SDK1: variants seen among roughly 807,000 people sequenced by gnomAD.
SDK1 encodes protein sidekick-1.
A neutral mutation model predicts 245.5 loss-of-function variants in SDK1; 157 were observed. The observed-to-expected ratio is 0.64, with a 90% CI of 0.56 to 0.73. The LOEUF is 0.73. Ranked by LOEUF, SDK1 falls within the 30% of genes least tolerant of loss-of-function variation. The pLI is 0.00. For synonymous variants in SDK1, 1,647 were observed against 1,278.5 expected (o/e 1.29, Z -6.15); for missense variants, 3,583 against 3,002.3 (o/e 1.19, Z -4.52).
chr7:3,972,976 T>C (rs1282394071), intron 12 of SDK1, among the ~76,000 whole-genome samples: 3 of 152,114 alleles, frequency 2.0e-5, no homozygotes, highest in Admixed American at 6.5e-5. Context: ...CCTTCCTAAA[T>C]GATTTGGAGT....
At chr7:4,153,129 C>CG (rs1447657605) in intron 30 of SDK1, among the ~76,000 whole-genome samples, 6 of 151,926 alleles carry the variant, frequency 3.9e-5, no homozygotes, top group African/African-American at 9.7e-5. Flanking sequence ...GGGATAGGTG[C>CG]GGGGGTTCCA....
At chr7:3,462,190 C>A (rs1380276323) in intron 1 of SDK1, among the ~76,000 whole-genome samples, 1 of 152,090 alleles carries the variant, frequency 6.6e-6, no homozygotes, top group Non-Finnish European at 1.5e-5. Context: ...AAAGGATGCT[C>A]TTCAGTTCAC....
chr7:4,073,400 G>A (rs1462596847), intron 20 of SDK1, among the ~76,000 whole-genome samples: 1 of 152,132 alleles, frequency 6.6e-6, no homozygotes, highest in Non-Finnish European at 1.5e-5. Flanking sequence ...GTTTTTGTTT[G>A]TATCCACAAC....
chr7:4,148,910 G>T (rs1214503309), intron 29 of SDK1, among the ~76,000 whole-genome samples: 1 of 152,150 alleles, frequency 6.6e-6, no homozygotes, highest in African/African-American at 2.4e-5. Context: ...ACAAAAATTA[G>T]CTGGGCGTGG....
Position 4,267,093 on chromosome 7 carries a change from C to A in SDK1, c.*1709C>A. On this transcript the variant is annotated 3_prime_UTR_variant, in exon 45 of 45. Transcript: ENST00000404826. ...GTTGCTGAGTATGGCCCCAGGAGAC[C>A]AAGGAGAGTTTTGTATAGGCTGGAA... 2.0e-6 allele frequency: 2 copies of A among 985,426 alleles called. No homozygotes were observed. The highest frequency in any genetic ancestry group is 2.4e-6 in the Non-Finnish European group (2 of 829,946). The allele number at this position is 985,426 out of a possible 1,614,324, so 61.0% of individuals were successfully genotyped here. A position where few individuals can be genotyped will look rare whatever the true frequency, so the allele number is the denominator to read the frequency against.
chr7:3,449,512 A>G (rs970926114), intron 1 of SDK1, among the ~76,000 whole-genome samples: 4 of 152,214 alleles, frequency 2.6e-5, no homozygotes, highest in African/African-American at 7.2e-5. Flanking sequence ...AGATTTGACT[A>G]TATGTTGAAT....
intron 5 of SDK1, among the ~76,000 whole-genome samples, chr7:3,934,370 A>G (rs943873288): frequency 2.0e-5 from 3 of 152,152 alleles, no homozygotes; most frequent in Non-Finnish European, 4.4e-5. Context: ...TGGTTTATCT[A>G]TTAAAGACAC....
At chr7:3,930,764 G>A (rs868015635) in intron 5 of SDK1, among the ~76,000 whole-genome samples, 4 of 152,230 alleles carry the variant, frequency 2.6e-5, no homozygotes, top group Non-Finnish European at 5.9e-5. Context: ...CTTCACTCCA[G>A]CCTGGGTGAC....
At chr7:3,844,646 A>G (rs1780233478) in intron 5 of SDK1, among the ~76,000 whole-genome samples, 2 of 152,214 alleles carry the variant, frequency 1.3e-5, no homozygotes, top group African/African-American at 4.8e-5. Flanking sequence ...TTCAACAAGG[A>G]AGAGTTTACA....
At chr7:3,392,500 G>T (rs751779661) in intron 1 of SDK1, among the ~76,000 whole-genome samples, 38 of 152,122 alleles carry the variant, frequency 2.5e-4, no homozygotes, top group Non-Finnish European at 4.4e-4. Context: ...TTTAAAAAGT[G>T]CAGTTCAGTG....
At chr7:3,734,963 C>T (rs760399829) in intron 4 of SDK1, among the ~76,000 whole-genome samples, 2 of 152,148 alleles carry the variant, frequency 1.3e-5, no homozygotes, top group Non-Finnish European at 2.9e-5. Context: ...ATTCTCCCGA[C>T]GTGCACATCC....
At chr7:3,949,465 C>T (rs887723005) in intron 5 of SDK1, among the ~76,000 whole-genome samples, 41 of 152,322 alleles carry the variant, frequency 2.7e-4, no homozygotes, top group Admixed American at 2.3e-3. Flanking sequence ...CACCGCCAGC[C>T]GGGCAGGCTA....
intron 28 of SDK1, among the ~76,000 whole-genome samples, chr7:4,144,896 A>G (rs917049706): frequency 6.6e-6 from 1 of 152,090 alleles, no homozygotes; most frequent in African/African-American, 2.4e-5. Flanking sequence ...TCTGGTTTTA[A>G]TCAGCGCAGG....
intron 2 of SDK1, among the ~76,000 whole-genome samples, chr7:3,627,120 G>A (rs1224929699): frequency 2.0e-5 from 3 of 151,970 alleles, no homozygotes; most frequent in Non-Finnish European, 4.4e-5. Flanking sequence ...GTAGACACAG[G>A]GTTTCACTAT....
At chr7:3,482,418 A>C (rs1781548228) in intron 1 of SDK1, among the ~76,000 whole-genome samples, 1 of 152,162 alleles carries the variant, frequency 6.6e-6, no homozygotes. Flanking sequence ...ATAGGCAATA[A>C]AGCCCATGGT....
intron 1 of SDK1, among the ~76,000 whole-genome samples, chr7:3,483,740 A>G (rs1410618830): frequency 2.6e-5 from 4 of 152,140 alleles, no homozygotes; most frequent in African/African-American, 7.2e-5. Context: ...GGTGTTCAGT[A>G]CTATTAGATG....
intron 1 of SDK1, among the ~76,000 whole-genome samples, chr7:3,515,416 G>A (rs1316320518): frequency 6.6e-6 from 1 of 152,176 alleles, no homozygotes; most frequent in Non-Finnish European, 1.5e-5. Context: ...TAGGCACTTA[G>A]TAATTACTTT....
In SDK1 at chr7:4,156,366, A is replaced by G. The variant is rs1352300931; in HGVS notation, c.4626-2082A>G. ...AACTTAGCAAAGGCTGTCTACCAGAACTCTGGAGCAAAGGTCATTTTTATG... is the reference window on the plus strand; with the variant it reads ...AACTTAGCAAAGGCTGTCTACCAGAGCTCTGGAGCAAAGGTCATTTTTATG... On this transcript the variant is annotated intron_variant, in intron 30 of 44. Coordinates refer to ENST00000404826, the MANE Select transcript of SDK1 (RefSeq NM_152744.4). Among the ~76,000 whole-genome samples, 5 of 152,168 alleles carry G rather than the reference A, an allele frequency of 3.3e-5. No individual in the cohort carries two copies. In the East Asian group the frequency reaches 9.6e-4, roughly 29 times the overall value.
chr7:4,243,107 C>T (rs974812985), intron 43 of SDK1, among the ~76,000 whole-genome samples: 5 of 152,186 alleles, frequency 3.3e-5, no homozygotes, highest in Non-Finnish European at 7.3e-5. Context: ...AGTTTCAAGG[C>T]CAGGAGGAAC....
Sources: allele counts gnomAD v4.1 joint callset (sites outside exome capture counted in the v4.1 genomes callset), GRCh38; gene constraint gnomAD v4.1.1; transcripts MANE v1.5; gene names NCBI Gene and HGNC (gene_info 2026-07-23, HGNC 2026-07-21).